The following GHR variants were observed in gnomAD, a reference collection of about 807,000 sequenced individuals.
GHR encodes growth hormone receptor.
GHR carries 35 observed loss-of-function variants against 67.1 expected under a neutral mutation model. That is an observed-to-expected ratio of 0.52 (90% CI 0.40 to 0.69). The LOEUF is 0.69. Among genes scored for constraint, GHR ranks in the 30% least tolerant of loss-of-function variants. The pLI is 0.00. For synonymous variants in GHR, 272 were observed against 269.1 expected, an observed-to-expected ratio of 1.01 and a Z score of -0.10; for missense variants, 792 against 764.6, an observed-to-expected ratio of 1.04 and a Z score of -0.42.
At chr5:42,639,931 T>C (rs570567641) in intron 3 of GHR, among the ~76,000 whole-genome samples, 1 of 152,288 alleles carries the variant, frequency 6.6e-6, no homozygotes, top group African/African-American at 2.4e-5. Context: ...AGAAATTACC[T>C]GAGAGCAATT....
intron 1 of GHR, among the ~76,000 whole-genome samples, chr5:42,489,710 G>A (rs754276334): frequency 6.6e-6 from 1 of 152,256 alleles, no homozygotes; most frequent in African/African-American, 2.4e-5. Context: ...AATTATCATT[G>A]AAGTTTTATT....
At chr5:42,490,191 T>C (rs1228394511) in intron 1 of GHR, among the ~76,000 whole-genome samples, 5 of 152,244 alleles carry the variant, frequency 3.3e-5, no homozygotes, top group Admixed American at 1.3e-4. Flanking sequence ...TTCATATCCC[T>C]GTGGTTTCCA....
At chr5:42,441,790 T>C (rs1050564234) in intron 1 of GHR, among the ~76,000 whole-genome samples, 3 of 152,126 alleles carry the variant, frequency 2.0e-5, no homozygotes, top group African/African-American at 7.2e-5. Context: ...ATTACAGGTG[T>C]GAGCCACCAC....
At chr5:42,539,385 A>G (rs1748400514) in intron 1 of GHR, among the ~76,000 whole-genome samples, 1 of 152,042 alleles carries the variant, frequency 6.6e-6, no homozygotes, top group Non-Finnish European at 1.5e-5. Context: ...TACTCTCCCT[A>G]TTTTCCTATG....
chr5:42,467,857 G>T, intron 1 of GHR: 1 of 951,108 alleles, frequency 1.1e-6, no homozygotes, highest in Non-Finnish European at 1.6e-6. Flanking sequence ...CAGAATTAAG[G>T]CTGTATTTTC....
chr5:42,596,874 T>C (rs1752097355), intron 2 of GHR, among the ~76,000 whole-genome samples: 1 of 152,112 alleles, frequency 6.6e-6, no homozygotes, highest in South Asian at 2.1e-4. Context: ...AGAAGCCTAA[T>C]TGAGAGGGTA....
At chr5:42,500,349 G>C (rs1348010174) in intron 1 of GHR, among the ~76,000 whole-genome samples, 1 of 152,226 alleles carries the variant, frequency 6.6e-6, no homozygotes, top group Non-Finnish European at 1.5e-5. Flanking sequence ...CAAAGCTCTG[G>C]GGCCAGATCA....
chr5:42,463,183 C>G (rs945394004), intron 1 of GHR, among the ~76,000 whole-genome samples: 14 of 151,934 alleles, frequency 9.2e-5, no homozygotes, highest in African/African-American at 7.3e-5. Context: ...AATAAGGAGT[C>G]CTGGTGAATG....
At chr5:42,436,283 G>A (rs1028133877) in intron 1 of GHR, among the ~76,000 whole-genome samples, 3 of 152,070 alleles carry the variant, frequency 2.0e-5, no homozygotes, top group Admixed American at 6.6e-5. Flanking sequence ...TGGCTTCAGA[G>A]CCTACACTCC....
chr5:42,605,604 A>G (rs1172714340), intron 2 of GHR, among the ~76,000 whole-genome samples: 1 of 152,192 alleles, frequency 6.6e-6, no homozygotes, highest in African/African-American at 2.4e-5. Context: ...GCTGGACTTT[A>G]TACCCCACTC....
At chr5:42,596,727 T>C (rs1179860373) in intron 2 of GHR, among the ~76,000 whole-genome samples, 1 of 152,090 alleles carries the variant, frequency 6.6e-6, no homozygotes, top group Non-Finnish European at 1.5e-5. Flanking sequence ...AGGCTTCAGG[T>C]TGAACAGAAT....
chr5:42,646,433 C>A, intron 3 of GHR: 1 of 391,254 alleles, frequency 2.6e-6, no homozygotes, highest in Non-Finnish European at 5.0e-6. Context: ...GTACATCACC[C>A]ATAATAAAAG....
In GHR at chr5:42,641,540, C is replaced by T. The variant is rs10036352; in HGVS notation, c.136+12437C>T. On this transcript the variant is annotated intron_variant, in intron 3 of 9. Coordinates refer to ENST00000230882, the MANE Select transcript of GHR (RefSeq NM_000163.5). ...TGCTGGTGAACCATGGCTGGCTGGG[C>T]GAACTAGATCTGGAATTCTGTGGTG... 2.3e-3 allele frequency among the ~76,000 whole-genome samples: 345 copies of T among 152,126 alleles called. 1 individual carries two copies. Among genetic ancestry groups the T allele is most frequent in the Admixed American group, 6.4e-3 (98 of 15,288 alleles).
intron 1 of GHR, among the ~76,000 whole-genome samples, chr5:42,530,830 T>C (rs1390689683): frequency 1.3e-5 from 2 of 152,176 alleles, no homozygotes; most frequent in African/African-American, 4.8e-5. Context: ...AGATAAGCAG[T>C]TGAAACTGTT....
intron 3 of GHR, among the ~76,000 whole-genome samples, chr5:42,682,041 T>A (rs1282779250): frequency 6.6e-6 from 1 of 151,420 alleles, no homozygotes; most frequent in Non-Finnish European, 1.5e-5. Context: ...AGTGATAGAC[T>A]GGATAAAGAA....
Position 42,425,738 on chromosome 5 carries a change from G to A in GHR, c.-12+1783G>A, listed in dbSNP as rs148949109. ...ATGTGTAGCTTAAAGAGGTTGTCCC[G>A]TCTCTCATCATCTTCTTCCACCCTT... On this transcript the variant is annotated intron_variant, in intron 1 of 9. Transcript: ENST00000230882. 4.1e-4 allele frequency among the ~76,000 whole-genome samples: 63 copies of A among 152,278 alleles called. 1 individual carries two copies. The East Asian group carries it at 9.8e-3, about 24-fold the overall frequency.
intron 2 of GHR, among the ~76,000 whole-genome samples, chr5:42,603,632 A>G (rs1752486246): frequency 6.6e-6 from 1 of 152,094 alleles, no homozygotes; most frequent in African/African-American, 2.4e-5. Context: ...CTTCTCTTGA[A>G]TACCTTCTGA....
chr5:42,600,026 TCCTGGAGCATATCTCTGTTAGG>T (rs1278167476), intron 2 of GHR, among the ~76,000 whole-genome samples: 1 of 152,100 alleles, frequency 6.6e-6, no homozygotes, highest in Non-Finnish European at 1.5e-5. Context: ...CAGAACAGAG[TCCTGGAGCATATCTCTGTTAGG>T]CTAGACATCA....
intron 1 of GHR, among the ~76,000 whole-genome samples, chr5:42,542,754 C>A (rs770597607): frequency 4.6e-5 from 7 of 152,000 alleles, no homozygotes. Context: ...GTACATTGCA[C>A]CCAATATACA....
Sources: gnomAD v4.1 joint callset for allele counts (sites outside exome capture counted in the v4.1 genomes callset) on GRCh38, gnomAD v4.1.1 for gene constraint, MANE v1.5 for transcripts, NCBI Gene and HGNC (gene_info 2026-07-23, HGNC 2026-07-21) for gene names.